AP2B1: variants seen among roughly 807,000 people sequenced by gnomAD.
The protein encoded by AP2B1 is adaptor related protein complex 2 subunit beta 1.
In AP2B1, 23 loss-of-function variants were observed where a neutral mutation model predicts 102.0. The observed-to-expected ratio is 0.23, with a 90% CI of 0.16 to 0.32. AP2B1 has a LOEUF of 0.32. Among genes scored for constraint, AP2B1 ranks in the 10% least tolerant of loss-of-function variants. The pLI, the probability that AP2B1 is intolerant of heterozygous loss-of-function variation, is 1.00. For missense variants in AP2B1, 541 were observed against 1,157.4 expected, an observed-to-expected ratio of 0.47 and a Z score of 7.73; for synonymous variants, 381 against 421.2, an observed-to-expected ratio of 0.90 and a Z score of 1.17.
intron 9 of AP2B1, among the ~76,000 whole-genome samples, chr17:35,628,530 G>A (rs1224342023): frequency 6.6e-6 from 1 of 152,216 alleles, no homozygotes; most frequent in South Asian, 2.1e-4. Flanking sequence ...TTGAGTCTGG[G>A]AGGCTGAGAC....
chr17:35,670,929 A>G (rs2075573664), intron 15 of AP2B1, 31 bp downstream of exon 15: 2 of 1,612,170 alleles, frequency 1.2e-6, no homozygotes, highest in Non-Finnish European at 1.7e-6. Context: ...TCACCATGAG[A>G]AGCACTGCCC....
At position 35,671,806 on chromosome 17, in the gene AP2B1, C is replaced by T; in HGVS notation, c.2084C>T (p.Pro695Leu). 2 of 1,613,970 alleles carry T rather than the reference C, an allele frequency of 1.2e-6. No individual in the cohort carries two copies. Among genetic ancestry groups the T allele is most frequent in the Non-Finnish European group, 1.7e-6 (2 of 1,179,918 alleles). ...SSVPATFAPS[P>L]TPAVVSSGLN... The stretch of plus-strand genomic sequence containing the variant: ...GTGCCTGCAACCTTTGCTCCTTCAC[C>T]TACACCTGCTGTGGTCAGCAGTGGA... Residue 695 changes from proline to leucine, a missense_variant, in exon 16 of 22, where the codon CCT becomes CTT. Pro to Leu is a moderately conservative substitution (Grantham distance 98). Transcript: ENST00000610402.
intron 3 of AP2B1, among the ~76,000 whole-genome samples, chr17:35,604,630 C>T (rs1303526930): frequency 6.6e-6 from 1 of 152,002 alleles, no homozygotes; most frequent in South Asian, 2.1e-4. Context: ...TGGTGGCGCA[C>T]GCCTGTAATC....
chr17:35,623,187 A>G (rs773968055), intron 5 of AP2B1, among the ~76,000 whole-genome samples: 60 of 150,464 alleles, frequency 4.0e-4, no homozygotes, highest in Non-Finnish European at 7.2e-4. Context: ...TGTAATTTTG[A>G]TAAAGTGTTG....
chr17:35,604,944 G>C (rs2073617382), intron 3 of AP2B1, among the ~76,000 whole-genome samples: 2 of 152,034 alleles, frequency 1.3e-5, no homozygotes. Context: ...TTTGGATGGG[G>C]ACAAGGTCTC....
Position 35,627,391 on chromosome 17 carries a change from A to T in AP2B1, c.945A>T (p.Glu315Asp). ...NINLIVQKRP[E>D]ILKQEIKVFF... ...CTGTTTCTGTGTACCCTAGGCCTGA[A>T]ATCTTGAAGCAGGAAATCAAAGTCT... The change falls in exon 8 of 22, where the codon GAA becomes GAT. Residue 315 changes from glutamate to aspartate, a missense_variant. Glu to Asp is a conservative substitution (Grantham distance 45). Around this residue, in one of 10 missense-constraint regions of AP2B1, gnomAD observed 134 missense variants for 250.2 expected, o/e 0.54. Transcript: ENST00000610402. The T allele has an allele frequency of 6.2e-7, 1 of 1,613,354 alleles. No homozygotes were observed. The highest frequency in any genetic ancestry group is 1.1e-5 in the South Asian group (1 of 91,040).
chr17:35,636,255 C>G (rs751538851), intron 9 of AP2B1, 86 bp from the exon 10 acceptor site: 13 of 838,850 alleles, frequency 1.5e-5, no homozygotes, highest in Non-Finnish European at 2.1e-5. Flanking sequence ...TTAGTTGATG[C>G]ACCTGCATGT....
intron 9 of AP2B1, among the ~76,000 whole-genome samples, chr17:35,630,511 A>G (rs1163823164): frequency 1.3e-5 from 2 of 152,186 alleles, no homozygotes; most frequent in African/African-American, 4.8e-5. Context: ...ACTAGTGTAC[A>G]TAGCCATCTT....
chr17:35,636,880 G>A (rs2074621896), intron 10 of AP2B1, among the ~76,000 whole-genome samples: 1 of 152,080 alleles, frequency 6.6e-6, no homozygotes, highest in Non-Finnish European at 1.5e-5. Context: ...TACCATAAAA[G>A]CCAGGAAGGG....
chr17:35,621,241 G>A, intron 5 of AP2B1: 6 of 909,798 alleles, frequency 6.6e-6, no homozygotes, highest in Non-Finnish European at 7.9e-6. Flanking sequence ...CCCAGTTGCT[G>A]TCTCAAAGTT....
At chr17:35,671,702 T>G (rs2075590801) in intron 15 of AP2B1, 52 bp from the exon 16 acceptor site, 4 of 1,573,812 alleles carry the variant, frequency 2.5e-6, no homozygotes, top group Non-Finnish European at 3.5e-6. Context: ...TTTTAAGGAC[T>G]GTTAATCTGT....
At chr17:35,712,395 G>A (rs587675502) in intron 20 of AP2B1, among the ~76,000 whole-genome samples, 5 of 152,158 alleles carry the variant, frequency 3.3e-5, no homozygotes, top group Non-Finnish European at 2.9e-5. Context: ...TTGGGAGGCC[G>A]AGGTGGGCAG....
intron 5 of AP2B1, among the ~76,000 whole-genome samples, chr17:35,611,901 TGTATA>T (rs746821031): frequency 6.6e-6 from 1 of 152,208 alleles, no homozygotes; most frequent in Non-Finnish European, 1.5e-5. Flanking sequence ...TATAGTAAAC[TGTATA>T]GTGTTCTTAA....
intron 5 of AP2B1, among the ~76,000 whole-genome samples, chr17:35,617,665 T>G (rs963220675): frequency 3.4e-4 from 51 of 152,050 alleles, no homozygotes; most frequent in African/African-American, 1.2e-3. Context: ...TGTTGTGTGT[T>G]GTTTTGGTGG....
At chr17:35,646,194 A>G (rs910292594) in intron 12 of AP2B1, among the ~76,000 whole-genome samples, 9 of 152,236 alleles carry the variant, frequency 5.9e-5, no homozygotes, top group Admixed American at 5.9e-4. Flanking sequence ...GTCTAGCAGT[A>G]CAGTAGATCC....
intron 16 of AP2B1, among the ~76,000 whole-genome samples, chr17:35,672,874 G>A (rs755804324): frequency 2.6e-5 from 4 of 152,080 alleles, no homozygotes; most frequent in Non-Finnish European, 5.9e-5. Context: ...CCCATGTATA[G>A]CCACTGTTAA....
chr17:35,719,950 T>G (rs1313692228), intron 21 of AP2B1, among the ~76,000 whole-genome samples: 1 of 152,182 alleles, frequency 6.6e-6, no homozygotes, highest in East Asian at 1.9e-4. Context: ...GATTCAAATC[T>G]TCATGTTTAC....
At chr17:35,597,179 G>A in intron 2 of AP2B1, 1 of 462,760 alleles carries the variant, frequency 2.2e-6, no homozygotes, top group Admixed American at 3.4e-5. Context: ...TGAAAGGAAC[G>A]ACAGGAACAG....
chr17:35,616,369 C>T (rs899446606), intron 5 of AP2B1, among the ~76,000 whole-genome samples: 4 of 151,674 alleles, frequency 2.6e-5, no homozygotes, highest in Non-Finnish European at 5.9e-5. Flanking sequence ...GGGGTTTCAC[C>T]GTGTTAGTCA....
Sources: allele counts gnomAD v4.1 joint callset (sites outside exome capture counted in the v4.1 genomes callset), GRCh38; gene constraint gnomAD v4.1.1; regional missense constraint gnomAD v4.1.1; transcripts MANE v1.5; gene names NCBI Gene and HGNC (gene_info 2026-07-23, HGNC 2026-07-21).